The following ADAMTSL3 variants were observed in gnomAD, a reference collection of about 807,000 sequenced individuals.
ADAMTSL3 encodes ADAMTS like 3.
ADAMTSL3 carries 128 observed loss-of-function variants against 201.7 expected under a neutral mutation model. The ratio of observed to expected loss-of-function variants is 0.63; its 90% CI spans 0.55 to 0.73. The LOEUF is 0.73. Among genes scored for constraint, ADAMTSL3 ranks in the 30% least tolerant of loss-of-function variants. ADAMTSL3 has a pLI of 0.00. For missense variants in ADAMTSL3, 1,990 were observed against 2,119.6 expected, an observed-to-expected ratio of 0.94 and a Z score of 1.20; for synonymous variants, 738 against 748.4, an observed-to-expected ratio of 0.99 and a Z score of 0.23.
chr15:83,712,492 C>T lies in ADAMTSL3; in HGVS notation c.189+7984C>T, dbSNP rs145576063. On this transcript the variant is annotated intron_variant, in intron 3 of 29. Transcript: ENST00000286744. ...CTGCTACTTCCTGGCTAGTCCTCTT[C>T]TCTCATCTCAGTGCTCCTCTTTTTT... is the stretch of plus-strand genomic sequence containing the variant. Among the ~76,000 whole-genome samples the T allele has an allele frequency of 5.1e-3, 774 of 152,358 alleles. 2 individuals carry two copies. The highest frequency in any genetic ancestry group is 6.8e-3 in the Middle Eastern group (2 of 294).
At chr15:83,687,592 G>C (rs1040203329) in intron 2 of ADAMTSL3, among the ~76,000 whole-genome samples, 1 of 152,052 alleles carries the variant, frequency 6.6e-6, no homozygotes, top group Non-Finnish European at 1.5e-5. Context: ...CTTGCAAGGA[G>C]ATAACCAATG....
chr15:83,671,284 G>A (rs73452640), intron 2 of ADAMTSL3, among the ~76,000 whole-genome samples: 5 of 152,030 alleles, frequency 3.3e-5, no homozygotes, highest in Admixed American at 3.3e-4. Context: ...AAAATAAAGA[G>A]GGCACAGAAC....
intron 24 of ADAMTSL3, among the ~76,000 whole-genome samples, chr15:84,015,720 AC>A (rs1191745403): frequency 1.3e-5 from 2 of 152,172 alleles, no homozygotes; most frequent in African/African-American, 4.8e-5. Context: ...AAGAGTTGCA[AC>A]AGATTGGCTA....
chr15:83,687,399 C>A (rs570547374), intron 2 of ADAMTSL3, among the ~76,000 whole-genome samples: 49 of 152,198 alleles, frequency 3.2e-4, no homozygotes, highest in African/African-American at 1.2e-3. Context: ...ATTTTCAGCC[C>A]ATCTCAATTC....
chr15:83,685,648 GA>G (rs2141437546), intron 2 of ADAMTSL3, among the ~76,000 whole-genome samples: 1 of 152,276 alleles, frequency 6.6e-6, no homozygotes, highest in Non-Finnish European at 1.5e-5. Flanking sequence ...AAGAGGAAAT[GA>G]ATGAGTTTTC....
chr15:83,883,674 G>A (rs1049543425), intron 9 of ADAMTSL3, among the ~76,000 whole-genome samples: 1 of 151,698 alleles, frequency 6.6e-6, no homozygotes. Flanking sequence ...TCCTGCCTCA[G>A]CATCCCCAGT....
chr15:83,913,922 G>A (rs2065981907), intron 16 of ADAMTSL3, among the ~76,000 whole-genome samples: 1 of 152,236 alleles, frequency 6.6e-6, no homozygotes, highest in Non-Finnish European at 1.5e-5. Context: ...CCCCTTTGGG[G>A]TGAGAAGTTG....
rs538164576 is a variant in ADAMTSL3, at chr15:83,951,822, T to C, written c.2490+8740T>C. ...ATGTAATTGCCATAGTAGCAACTAA[T>C]GATCCCTTGAATTTTGCAGTATCAG... On this transcript the variant is annotated intron_variant, in intron 19 of 29. Transcript: ENST00000286744. Among the ~76,000 whole-genome samples, 6 of 152,278 alleles carry C rather than the reference T, an allele frequency of 3.9e-5. No homozygotes were observed. The East Asian group carries it at 1.2e-3, about 29-fold the overall frequency.
chr15:83,757,155 C>T (rs939851191), intron 3 of ADAMTSL3, among the ~76,000 whole-genome samples: 1 of 152,198 alleles, frequency 6.6e-6, no homozygotes, highest in Admixed American at 6.5e-5. Flanking sequence ...AGGCAGTGCC[C>T]CAGTGGTGAC....
Position 83,714,873 on chromosome 15 carries a change from C to T in ADAMTSL3, c.189+10365C>T, listed in dbSNP as rs1364325711. Among the ~76,000 whole-genome samples, 46 of 12,580 alleles carry T rather than the reference C, an allele frequency of 3.7e-3. 1 individual carries two copies. Among genetic ancestry groups the T allele is most frequent in the East Asian group, 0.022 (1 of 46 alleles). 8.3% of individuals were successfully genotyped at this position (12,580 alleles called of 152,430 possible). The stretch of plus-strand genomic sequence containing the variant: ...CTTTCCCTCCCTCCCTCCCTCCCTC[C>T]CTCCCTTCCTTCCTTCCTTCCTTCC... On this transcript the variant is annotated intron_variant, in intron 3 of 29. Transcript: ENST00000286744.
chr15:83,911,570 A>C lies in ADAMTSL3; in HGVS notation c.1701-1522A>C, dbSNP rs530611955. Among the ~76,000 whole-genome samples the C allele has an allele frequency of 5.9e-5, 9 of 152,340 alleles. No homozygotes were observed. In the South Asian group the frequency reaches 1.9e-3, roughly 32 times the overall value. On this transcript the variant is annotated intron_variant, in intron 15 of 29. Transcript: ENST00000286744. ...TTGCCCCATCCTGGGGAGTTGAGCA[A>C]GCCCTCACATGGAATCTGAGAATTA... is the stretch of plus-strand genomic sequence containing the variant.
At chr15:83,845,676 A>G (rs1487471101) in intron 7 of ADAMTSL3, among the ~76,000 whole-genome samples, 1 of 152,336 alleles carries the variant, frequency 6.6e-6, no homozygotes, top group East Asian at 1.9e-4. Flanking sequence ...GTTTAGAGAA[A>G]GAAGTCCCAG....
At chr15:83,711,461 T>C (rs2061932573) in intron 3 of ADAMTSL3, among the ~76,000 whole-genome samples, 1 of 152,254 alleles carries the variant, frequency 6.6e-6, no homozygotes, top group Admixed American at 6.5e-5. Flanking sequence ...GTGTTGTTTC[T>C]GGCCTGTGTG....
chr15:83,886,626 T>C (rs1291853245), intron 10 of ADAMTSL3, among the ~76,000 whole-genome samples: 2 of 152,174 alleles, frequency 1.3e-5, no homozygotes, highest in East Asian at 3.8e-4. Flanking sequence ...ATGGTCTTGT[T>C]TGAAGAGCTA....
chr15:83,654,768 C>T lies in ADAMTSL3; in HGVS notation c.-34+492C>T, dbSNP rs1203049317. ...GGCAGCGGGTAGTCGGAGGAGTGTG[C>T]ACTCGGAAGGCTGGTGCGAGCAGGC... On this transcript the variant is annotated intron_variant, in intron 1 of 29. Coordinates refer to ENST00000286744, the MANE Select transcript of ADAMTSL3 (RefSeq NM_207517.3). This position sits in a 1 kb window ranked among gnomAD's most constrained non-coding sequence, Gnocchi z 5.3. 6.6e-6 allele frequency among the ~76,000 whole-genome samples: 1 copy of T among 152,116 alleles called. No homozygotes were observed. The highest frequency in any genetic ancestry group is 2.4e-5 in the African/African-American group (1 of 41,446).
intron 16 of ADAMTSL3, among the ~76,000 whole-genome samples, chr15:83,922,979 C>A (rs2066175226): frequency 6.6e-6 from 1 of 152,092 alleles, no homozygotes; most frequent in Admixed American, 6.5e-5. Context: ...GTCTGATTTT[C>A]CAATAATTTT....
intron 19 of ADAMTSL3, among the ~76,000 whole-genome samples, chr15:83,949,663 C>T (rs531114128): frequency 3.3e-5 from 5 of 152,258 alleles, no homozygotes; most frequent in South Asian, 2.1e-4. Flanking sequence ...CACATCCCTG[C>T]CAACATTTGT....
intron 2 of ADAMTSL3, among the ~76,000 whole-genome samples, chr15:83,659,443 G>A (rs1025184882): frequency 1.3e-5 from 2 of 152,196 alleles, no homozygotes; most frequent in Non-Finnish European, 2.9e-5. Context: ...TCCTGAGGCT[G>A]GAGGCTAGTG....
intron 23 of ADAMTSL3, among the ~76,000 whole-genome samples, chr15:83,993,758 A>G (rs1280329255): frequency 6.6e-6 from 1 of 152,218 alleles, no homozygotes; most frequent in East Asian, 1.9e-4. Context: ...CTCTTTAAAA[A>G]AAAGTTTTTT....
Sources: allele counts gnomAD v4.1 joint callset (sites outside exome capture counted in the v4.1 genomes callset), GRCh38; gene constraint gnomAD v4.1.1; non-coding constraint Gnocchi (gnomAD v3.1); transcripts MANE v1.5; gene names NCBI Gene and HGNC (gene_info 2026-07-23, HGNC 2026-07-21).